DENND11: variants seen among roughly 807,000 people sequenced by gnomAD.
DENND11 encodes the protein DENN domain containing 11, also known as DENN domain-containing protein 11.
In DENND11, 34 loss-of-function variants were observed where a neutral mutation model predicts 49.2. The ratio of observed to expected loss-of-function variants is 0.69; its 90% CI spans 0.53 to 0.92. The LOEUF is 0.92. DENND11 is among the 40% of genes least tolerant of loss of function. The pLI is 0.00. For synonymous variants in DENND11, 238 were observed against 230.3 expected (o/e 1.03, Z -0.30); for missense variants, 475 against 581.6 (o/e 0.82, Z 1.88).
intron 3 of DENND11, among the ~76,000 whole-genome samples, chr7:141,682,996 C>T (rs890384502): frequency 1.4e-5 from 2 of 143,298 alleles, no homozygotes; most frequent in African/African-American, 2.6e-5. Context: ...CAGAAAAAGA[C>T]ATATGTGCAA....
chr7:141,675,155 T>C (rs1587214126), intron 3 of DENND11, among the ~76,000 whole-genome samples: 1 of 152,234 alleles, frequency 6.6e-6, no homozygotes, highest in Admixed American at 6.5e-5. Context: ...TTTGGACACA[T>C]AGACACACAC....
At chr7:141,693,110 T>C (rs531450985) in intron 1 of DENND11, among the ~76,000 whole-genome samples, 1 of 152,316 alleles carries the variant, frequency 6.6e-6, no homozygotes, top group African/African-American at 2.4e-5. Context: ...GCAAAACACA[T>C]ATCTGATAAA....
At chr7:141,668,545 C>G (rs1174988943) in intron 4 of DENND11, among the ~76,000 whole-genome samples, 2 of 152,176 alleles carry the variant, frequency 1.3e-5, no homozygotes, top group Non-Finnish European at 2.9e-5. Context: ...GAGATCACAC[C>G]ACTGCCCTCC....
chr7:141,672,042 C>T (rs978101173), intron 4 of DENND11, among the ~76,000 whole-genome samples: 26 of 152,356 alleles, frequency 1.7e-4, no homozygotes, highest in African/African-American at 5.8e-4. Context: ...ACACCTATGA[C>T]TCCAGCCTCC....
chr7:141,668,584 AAAACAAAC>A, intron 4 of DENND11, among the ~76,000 whole-genome samples: 1 of 149,170 alleles, frequency 6.7e-6, no homozygotes, highest in South Asian at 2.4e-4. Flanking sequence ...AGACTGTCTC[AAAACAAAC>A]AAACAAACAA....
chr7:141,702,092 A>G lies in DENND11; in HGVS notation c.62T>C (p.Leu21Pro). 4.1e-6 allele frequency: 4 copies of G among 984,676 alleles called. No individual in the cohort carries two copies. Among genetic ancestry groups the G allele is most frequent in the Non-Finnish European group, 3.6e-6 (3 of 830,956 alleles). 61.0% of individuals were successfully genotyped at this position (984,676 alleles called of 1,614,324 possible). A position where few individuals can be genotyped will look rare whatever the true frequency, so the allele number is the denominator to read the frequency against. Residue 21 changes from leucine (L) to proline (P), a missense_variant, in exon 1 of 9, where the codon CTG (leucine) becomes CCG (proline). Physicochemically the swap from Leu to Pro is moderately conservative, Grantham distance 98. Coordinates refer to ENST00000536163, the MANE Select transcript of DENND11 (RefSeq NM_001080392.2). ...CGCCTGCGGCTGCGGGGCCTGCGGC[A>G]GGGAGACGGCGGGGCCCTCGGCCCA... ...LRWAEGPAVS[L>P]PQAPQPQAGG...
chr7:141,702,134 G>A lies in DENND11; in HGVS notation c.20C>T (p.Ala7Val). The part of the protein sequence containing the change: MVEQGD[A>V]APLLRWAEGP... ...CTCGGCCCAGCGCAGCAGCGGCGCC[G>A]CGTCTCCCTGCTCCACCATGGCTAG... is the stretch of plus-strand genomic sequence containing the variant. The change falls in exon 1 of 9, where the codon GCG (alanine) becomes GTG (valine). Residue 7 changes from alanine (A) to valine (V), a missense_variant. Physicochemically the swap from Ala to Val is moderately conservative, Grantham distance 64. Transcript: ENST00000536163. 5 of 982,968 alleles carry A rather than the reference G, an allele frequency of 5.1e-6. No homozygotes were observed. The highest frequency in any genetic ancestry group is 6.0e-6 in the Non-Finnish European group (5 of 829,848). 60.9% of individuals were successfully genotyped at this position (982,968 alleles called of 1,614,324 possible). A position where few individuals can be genotyped will look rare whatever the true frequency, so the allele number is the denominator to read the frequency against.
chr7:141,662,761 C>G lies in DENND11; in HGVS notation c.1263G>C (p.Arg421=), dbSNP rs1460328930. The G allele has an allele frequency of 1.2e-6, 2 of 1,610,248 alleles. No homozygotes were observed. The highest frequency in any genetic ancestry group is 1.7e-6 in the Non-Finnish European group (2 of 1,178,360). ...CTCCTTGGGGGTCTAGGCCCATGCC[C>G]CGGGCATGCTCTGCTGTCAGAGTTT... ...QDKTLTAEHA[R]GMGLDPQGDR... The change falls in exon 9 of 9, where the codon CGG becomes CGC. Residue 421 remains arginine (R), a synonymous_variant. Transcript: ENST00000536163.
At chr7:141,680,089 C>T (rs571331386) in intron 3 of DENND11, among the ~76,000 whole-genome samples, 4 of 152,274 alleles carry the variant, frequency 2.6e-5, no homozygotes, top group East Asian at 1.9e-4. Flanking sequence ...ATACCCCTCA[C>T]GTGTGAAATG....
chr7:141,663,151 A>C (rs1797830000), intron 8 of DENND11: 1 of 285,246 alleles, frequency 3.5e-6, no homozygotes, highest in African/African-American at 2.2e-5. Context: ...CAGCCTGAGA[A>C]GAGGCCCCCA....
rs2117089424 is a variant in DENND11 at position 141,701,923 on chromosome 7, C to T, written c.231G>A (p.Val77=). 8.3e-7 allele frequency: 1 copy of T among 1,212,090 alleles called. No individual in the cohort carries two copies. The highest frequency in any genetic ancestry group is 1.0e-6 in the Non-Finnish European group (1 of 975,016). The allele number at this position is 1,212,090 out of a possible 1,614,324, so 75.1% of individuals were successfully genotyped here. A position where few individuals can be genotyped will look rare whatever the true frequency, so the allele number is the denominator to read the frequency against. The change falls in exon 1 of 9, where the codon GTG becomes GTA. Residue 77 remains valine (V), a synonymous_variant. Coordinates refer to ENST00000536163, the MANE Select transcript of DENND11 (RefSeq NM_001080392.2). ...CGAAGGTGACCACGAACACGGCCAC[C>T]ACCTGGTCCTCCTCCACGTCGCCCA... is the stretch of plus-strand genomic sequence containing the variant. The part of the protein sequence containing the change: ...LELGDVEEDQ[V]VAVFVVTFDP...
intron 3 of DENND11, among the ~76,000 whole-genome samples, chr7:141,681,045 G>A (rs1321741241): frequency 6.6e-6 from 1 of 152,140 alleles, no homozygotes; most frequent in East Asian, 1.9e-4. Flanking sequence ...TGGAAGGGGA[G>A]GGTGGTGAGA....
chr7:141,697,101 G>A (rs114884053), intron 1 of DENND11, among the ~76,000 whole-genome samples: 1 of 152,244 alleles, frequency 6.6e-6, no homozygotes, highest in African/African-American at 2.4e-5. Context: ...AGGGGTGCAG[G>A]TAGACTTGGG....
intron 3 of DENND11, among the ~76,000 whole-genome samples, chr7:141,675,330 T>C (rs1372568388): frequency 6.6e-6 from 1 of 152,200 alleles, no homozygotes; most frequent in Non-Finnish European, 1.5e-5. Flanking sequence ...GACCTTGACT[T>C]TGGGCTTCCA....
At chr7:141,676,433 A>G (rs1798061255) in intron 3 of DENND11, among the ~76,000 whole-genome samples, 1 of 152,202 alleles carries the variant, frequency 6.6e-6, no homozygotes, top group South Asian at 2.1e-4. Flanking sequence ...ATTAAACTCT[A>G]TACTTGAACC....
At chr7:141,688,345 T>C (rs1798276685) in intron 1 of DENND11, among the ~76,000 whole-genome samples, 3 of 152,332 alleles carry the variant, frequency 2.0e-5, no homozygotes, top group Non-Finnish European at 4.4e-5. Context: ...TTTCAGATAA[T>C]TGTTCAGGGC....
At chr7:141,664,026 G>T in intron 8 of DENND11, 146 bp downstream of exon 8, 1 of 597,150 alleles carries the variant, frequency 1.7e-6, no homozygotes, top group Non-Finnish European at 3.0e-6. Context: ...GCTCAGGTTT[G>T]CCTCTGTAAG....
chr7:141,675,796 A>C (rs572197360), intron 3 of DENND11, among the ~76,000 whole-genome samples: 1 of 152,222 alleles, frequency 6.6e-6, no homozygotes, highest in African/African-American at 2.4e-5. Flanking sequence ...AAAGGAAAAA[A>C]ATCATCACTA....
rs368211868 is a variant in DENND11 at position 141,666,411 on chromosome 7, A to G, written c.696T>C (p.Ala232=). ...ACTTTATAAACTGAGACATGCAGCCAGCTGGGTGTGTGATCTGAAAAAATT... is the reference window on the plus strand; with the variant it reads ...ACTTTATAAACTGAGACATGCAGCCGGCTGGGTGTGTGATCTGAAAAAATT... ...MYPEMKITHP[A]GCMSQFIKFF... The change falls in exon 5 of 9, where the codon GCT becomes GCC. Residue 232 remains alanine (A), a synonymous_variant. Coordinates refer to ENST00000536163, the MANE Select transcript of DENND11 (RefSeq NM_001080392.2). The G allele has an allele frequency of 1.3e-5, 21 of 1,605,912 alleles. No homozygotes were observed. Among genetic ancestry groups the G allele is most frequent in the Middle Eastern group, 1.6e-4 (1 of 6,062 alleles).
Sources: allele counts gnomAD v4.1 joint callset (sites outside exome capture counted in the v4.1 genomes callset), GRCh38; gene constraint gnomAD v4.1.1; transcripts MANE v1.5; gene names NCBI Gene and HGNC (gene_info 2026-07-23, HGNC 2026-07-21).